SMPD3: variants seen among roughly 807,000 people sequenced by gnomAD.
The protein encoded by SMPD3 is nSMase-2.
SMPD3 carries 21 observed loss-of-function variants against 55.7 expected under a neutral mutation model. The ratio of observed to expected loss-of-function variants is 0.38; its 90% confidence interval spans 0.27 to 0.54. The LOEUF (loss-of-function observed/expected upper bound fraction) is 0.54, where lower values mean the gene tolerates loss of function less well. Among genes scored for constraint, SMPD3 ranks in the 20% least tolerant of loss-of-function variants. The pLI, the probability that SMPD3 is intolerant of heterozygous loss-of-function variation, is 0.80. For missense variants in SMPD3, 842 were observed against 899.6 expected, an observed-to-expected ratio of 0.94 and a Z score of 0.82; for synonymous variants, 457 against 404.3, an observed-to-expected ratio of 1.13 and a Z score of -1.56.
intron 1 of SMPD3, among the ~76,000 whole-genome samples, chr16:68,407,698 G>A (rs954003975): frequency 6.6e-6 from 1 of 152,014 alleles, no homozygotes; most frequent in African/African-American, 2.4e-5. Context: ...TCACCTCTTA[G>A]AATGTGTAGC....
chr16:68,432,115 C>CA (rs577479798), intron 1 of SMPD3, among the ~76,000 whole-genome samples: 22 of 144,084 alleles, frequency 1.5e-4, no homozygotes, highest in South Asian at 2.2e-4. Flanking sequence ...CTCTGTCTCG[C>CA]AAAAAAAAAA....
chr16:68,361,412 G>A, intron 8 of SMPD3, 105 bp from the exon 9 acceptor site: 1 of 1,385,548 alleles, frequency 7.2e-7, no homozygotes, highest in Non-Finnish European at 1.0e-6. Context: ...GCTGGGGTGG[G>A]CTGGGACCTT....
intron 2 of SMPD3, among the ~76,000 whole-genome samples, chr16:68,383,608 C>A (rs974155823): frequency 6.6e-5 from 10 of 152,118 alleles, no homozygotes; most frequent in African/African-American, 2.2e-4. Flanking sequence ...TCCCTCAGAG[C>A]CCCTTCCCTG....
At chr16:68,432,868 G>A (rs954418565) in intron 1 of SMPD3, among the ~76,000 whole-genome samples, 3 of 151,946 alleles carry the variant, frequency 2.0e-5, no homozygotes, top group Non-Finnish European at 4.4e-5. Context: ...GCAGTGGTGC[G>A]ATTATGGCTC....
chr16:68,371,591 G>T lies in SMPD3; in HGVS notation c.591C>A (p.Ala197=). The T allele has an allele frequency of 6.3e-7, 1 of 1,575,870 alleles. No homozygotes were observed. The highest frequency in any genetic ancestry group is 1.4e-5 in the African/African-American group (1 of 73,776). The change falls in exon 3 of 9, where the codon GCC becomes GCA. Residue 197 remains alanine, a synonymous_variant. Transcript: ENST00000219334. ...TCTTAATGCTCCCGGGGACGGCCCG[G>T]GCCACCCCATCGCCGCCCTGTGGTG... The part of the protein sequence containing the change: ...LVSPQGGDGV[A]RAVPGSIKRT...
intron 1 of SMPD3, among the ~76,000 whole-genome samples, chr16:68,411,346 C>T (rs1460973149): frequency 6.6e-6 from 1 of 152,180 alleles, no homozygotes; most frequent in East Asian, 1.9e-4. Flanking sequence ...ACTGCCTGGC[C>T]AGAGCTGGTG....
chr16:68,403,245 A>G (rs1407198325), intron 1 of SMPD3, among the ~76,000 whole-genome samples: 6 of 152,074 alleles, frequency 3.9e-5, no homozygotes, highest in African/African-American at 1.4e-4. Flanking sequence ...CACTTAACTC[A>G]TTATGCATTT....
At chr16:68,394,479 T>A (rs955276779) in intron 1 of SMPD3, among the ~76,000 whole-genome samples, 1 of 152,248 alleles carries the variant, frequency 6.6e-6, no homozygotes, top group African/African-American at 2.4e-5. Context: ...ATTTATTTCT[T>A]TCAAAGTAGT....
chr16:68,365,281 G>C (rs888442489), intron 3 of SMPD3, among the ~76,000 whole-genome samples, 189 bp from the exon 4 acceptor site: 2 of 152,186 alleles, frequency 1.3e-5, no homozygotes, highest in Non-Finnish European at 2.9e-5. Flanking sequence ...GCCAGAGGCG[G>C]GTGCTGAAAG....
At chr16:68,427,534 A>T in intron 1 of SMPD3, among the ~76,000 whole-genome samples, 1 of 152,252 alleles carries the variant, frequency 6.6e-6, no homozygotes. Flanking sequence ...ACACATGGTT[A>T]TCAGGCACTT....
intron 8 of SMPD3, 92 bp downstream of exon 8, chr16:68,361,504 CTGGGGCG>C: frequency 6.6e-7 from 1 of 1,523,848 alleles, no homozygotes; most frequent in Non-Finnish European, 8.9e-7. Context: ...TAAGAGTGGC[CTGGGGCG>C]TGGGGTTTCA....
At chr16:68,440,509 A>G (rs920678202) in intron 1 of SMPD3, among the ~76,000 whole-genome samples, 2 of 152,250 alleles carry the variant, frequency 1.3e-5, no homozygotes, top group African/African-American at 4.8e-5. Flanking sequence ...CCTGAACTGC[A>G]AATTCTATAT....
chr16:68,412,124 G>A (rs563440834), intron 1 of SMPD3, among the ~76,000 whole-genome samples: 2 of 152,340 alleles, frequency 1.3e-5, no homozygotes, highest in South Asian at 4.1e-4. Context: ...GGAGGCCAGA[G>A]GAGGCTGGGG....
At chr16:68,398,003 G>T (rs1362286089) in intron 1 of SMPD3, among the ~76,000 whole-genome samples, 8 of 144,780 alleles carry the variant, frequency 5.5e-5, no homozygotes, top group Admixed American at 5.5e-4. Context: ...TCCAGAGGGA[G>T]ATGCAGAATC....
intron 1 of SMPD3, among the ~76,000 whole-genome samples, chr16:68,435,709 C>T (rs1050378371): frequency 2.0e-5 from 3 of 152,314 alleles, no homozygotes; most frequent in Admixed American, 6.5e-5. Context: ...GTGGGACTGG[C>T]CTGCTGTCAG....
intron 1 of SMPD3, among the ~76,000 whole-genome samples, chr16:68,403,311 G>C (rs1352026173): frequency 6.6e-6 from 1 of 152,172 alleles, no homozygotes; most frequent in Non-Finnish European, 1.5e-5. Context: ...CAGGGATTCT[G>C]TCTGTTGTGT....
At chr16:68,379,346 C>A (rs1008007274) in intron 2 of SMPD3, among the ~76,000 whole-genome samples, 5 of 152,218 alleles carry the variant, frequency 3.3e-5, no homozygotes, top group African/African-American at 1.2e-4. Flanking sequence ...ACTGACTGTG[C>A]CTTAGTTTCC....
chr16:68,438,042 G>C (rs1331564211), intron 1 of SMPD3, among the ~76,000 whole-genome samples: 1 of 152,122 alleles, frequency 6.6e-6, no homozygotes, highest in African/African-American at 2.4e-5. Flanking sequence ...CCCAACTCAG[G>C]CCCTCCCAGC....
chr16:68,363,831 G>T lies in SMPD3; in HGVS notation c.1591C>A (p.His531Asn). ...KLEQQHSLFT[H>N]YRDPCRLGPG... ...CCCAGGCGGCAGGGGTCCCTGTAGT[G>T]GGTGAACAGGGAGTGTTGCTGCTCC... Residue 531 changes from histidine to asparagine, a missense_variant, in exon 6 of 9, where the codon CAC becomes AAC. Physicochemically the swap from His to Asn is moderately conservative, Grantham distance 68. This residue lies in a region of SMPD3 where 649 missense variants were observed against 643.6 expected (regional missense o/e 1.01). Coordinates refer to ENST00000219334, the MANE Select transcript of SMPD3 (RefSeq NM_018667.4). The T allele has an allele frequency of 6.4e-7, 1 of 1,570,388 alleles. No individual in the cohort carries two copies. The highest frequency in any genetic ancestry group is 8.6e-7 in the Non-Finnish European group (1 of 1,157,636).
Sources: allele counts gnomAD v4.1 joint callset (sites outside exome capture counted in the v4.1 genomes callset), GRCh38; gene constraint gnomAD v4.1.1; regional missense constraint gnomAD v4.1.1; transcripts MANE v1.5; gene names NCBI Gene and HGNC (gene_info 2026-07-23, HGNC 2026-07-21).